The following BIN1 variants were observed in gnomAD, a reference collection of about 807,000 sequenced individuals.
BIN1 encodes the protein bridging integrator 1, also known as myc box-dependent-interacting protein 1.
Under a neutral mutation model 82.0 loss-of-function variants are expected in BIN1, and 53 were observed. That is an observed-to-expected ratio of 0.65 (90% CI 0.52 to 0.81). The LOEUF (loss-of-function observed/expected upper bound fraction) is 0.81. Ranked by LOEUF, BIN1 falls within the 40% of genes least tolerant of loss-of-function variation. The pLI, the probability that BIN1 is intolerant of heterozygous loss-of-function variation, is 0.00. For synonymous variants in BIN1, 302 were observed against 328.0 expected (o/e 0.92, Z 0.86); for missense variants, 642 against 784.4 (o/e 0.82, Z 2.17).
intron 1 of BIN1, among the ~76,000 whole-genome samples, chr2:127,083,973 G>A (rs1481810700): frequency 6.6e-6 from 1 of 152,196 alleles, no homozygotes; most frequent in Non-Finnish European, 1.5e-5. Context: ...CAGATCTCTT[G>A]GAAAGGAAGG....
rs1683784468 is a variant in BIN1 at position 127,057,118 on chromosome 2, A to G, written c.1131+355T>C. 6.6e-6 allele frequency among the ~76,000 whole-genome samples: 1 copy of G among 151,930 alleles called. No individual in the cohort carries two copies. Among genetic ancestry groups the G allele is most frequent in the Non-Finnish European group, 1.5e-5 (1 of 67,962 alleles). On this transcript the variant is annotated intron_variant, in intron 12 of 18. Coordinates refer to ENST00000316724, the MANE Select transcript of BIN1 (RefSeq NM_139343.3). The surrounding 1 kb of genome is among the most constrained non-coding windows in gnomAD (Gnocchi z 5.0). ...GCTTCAGCCATTCCAGGACCTTCCA[A>G]CTCTCCCTGGCCCTGGAAGCCTTCC...
At chr2:127,085,840 AGGT>A (rs1028091805) in intron 1 of BIN1, among the ~76,000 whole-genome samples, 1 of 152,102 alleles carries the variant, frequency 6.6e-6, no homozygotes, top group Admixed American at 6.5e-5. Flanking sequence ...GCTGGATATG[AGGT>A]GGTGGCAGGA....
In BIN1 at chr2:127,093,654, C is replaced by CA. The variant is rs1433833837; in HGVS notation, c.84+13205_84+13206insT. Among the ~76,000 whole-genome samples the CA allele has an allele frequency of 6.6e-6, 1 of 152,242 alleles. No homozygotes were observed. The highest frequency in any genetic ancestry group is 6.5e-5 in the Admixed American group (1 of 15,288). ...TGAAAACAGACAGTTCTCTCTGGTCCTTGCATCTTCATCGTTGAAGGCTCC... is the reference window on the plus strand; with the variant it reads ...TGAAAACAGACAGTTCTCTCTGGTCCATTGCATCTTCATCGTTGAAGGCTCC... On this transcript the variant is annotated intron_variant, in intron 1 of 18. Transcript: ENST00000316724. The surrounding 1 kb of genome is among the most constrained non-coding windows in gnomAD (Gnocchi z 5.7).
chr2:127,050,762 G>A, intron 17 of BIN1, 40 bp downstream of exon 17: 2 of 1,597,872 alleles, frequency 1.3e-6, no homozygotes, highest in Non-Finnish European at 1.7e-6. Context: ...TGCCCACCAG[G>A]GCACCGAGGG....
rs1210938722 is a variant in BIN1 at position 127,062,916 on chromosome 2, G to A, written c.774+655C>T. On this transcript the variant is annotated intron_variant, in intron 9 of 18. Transcript: ENST00000316724. ...TGTGAGTCAGGGGAGGCCCCAAGCT[G>A]CTTTTCCTCCTCCGACCCTGGGCCT... Among the ~76,000 whole-genome samples, 2 of 152,218 alleles carry A rather than the reference G, an allele frequency of 1.3e-5. 1 individual carries two copies. Among genetic ancestry groups the A allele is most frequent in the Middle Eastern group, 6.3e-3 (2 of 316 alleles).
rs116294169 is a variant in BIN1 at position 127,092,177 on chromosome 2, G to A, written c.84+14683C>T. On this transcript the variant is annotated intron_variant, in intron 1 of 18. Coordinates refer to ENST00000316724, the MANE Select transcript of BIN1 (RefSeq NM_139343.3). ...TGGCAGGTGGAATGAATGTTCAGGG[G>A]AGCAGAGGGGCTCCGGGCTTCCTCC... 9.1e-3 allele frequency among the ~76,000 whole-genome samples: 1,381 copies of A among 152,282 alleles called. 16 individuals carry two copies. The highest frequency in any genetic ancestry group is 0.016 in the Non-Finnish European group (1,063 of 68,006).
chr2:127,053,360 C>T, intron 14 of BIN1, 62 bp downstream of exon 14: 4 of 1,604,274 alleles, frequency 2.5e-6, no homozygotes, highest in Non-Finnish European at 2.6e-6. Flanking sequence ...GCATGTGGGC[C>T]TGGACACATA....
At chr2:127,062,477 G>A (rs1412373049) in intron 9 of BIN1, among the ~76,000 whole-genome samples, 1 of 152,234 alleles carries the variant, frequency 6.6e-6, no homozygotes, top group Non-Finnish European at 1.5e-5. Flanking sequence ...CATAGAGCTT[G>A]CACTGTTTTT....
rs750540849 is a variant in BIN1, at chr2:127,052,377, C to A, written c.1264-15G>T. 1.3e-6 allele frequency: 2 copies of A among 1,565,698 alleles called. No homozygotes were observed. The highest frequency in any genetic ancestry group is 1.7e-6 in the Non-Finnish European group (2 of 1,155,356). The stretch of plus-strand genomic sequence containing the variant: ...CTCTCTGTGGGCTGGTAACAGGCCA[C>A]GAGGAGAGAACAGGGAGGGGGCGGG... On this transcript the variant is annotated splice_polypyrimidine_tract_variant and intron_variant, in intron 14 of 18. Coordinates refer to ENST00000316724, the MANE Select transcript of BIN1 (RefSeq NM_139343.3).
chr2:127,066,366 A>C (rs553134354), intron 7 of BIN1, among the ~76,000 whole-genome samples: 1 of 152,190 alleles, frequency 6.6e-6, no homozygotes, highest in Non-Finnish European at 1.5e-5. Flanking sequence ...CTGCTCCCCC[A>C]GGGTGGGCGT....
At chr2:127,095,507 C>T (rs1158297637) in intron 1 of BIN1, among the ~76,000 whole-genome samples, 1 of 152,224 alleles carries the variant, frequency 6.6e-6, no homozygotes, top group Non-Finnish European at 1.5e-5. Context: ...CTCCCACCCC[C>T]AAACATATGC....
Position 127,067,969 on chromosome 2 carries a change from GC to G in BIN1, c.612+193del. On this transcript the variant is annotated intron_variant, in intron 7 of 18. Coordinates refer to ENST00000316724, the MANE Select transcript of BIN1 (RefSeq NM_139343.3). The surrounding 1 kb of genome is among the most constrained non-coding windows in gnomAD (Gnocchi z 4.7). ...TATGCCCCCACCCAGGTCACACAGA[GC>G]CCCTCAGCCGGTTCTTTGACCCCTA... 6.6e-6 allele frequency among the ~76,000 whole-genome samples: 1 copy of G among 152,114 alleles called. No homozygotes were observed. Among genetic ancestry groups the G allele is most frequent in the East Asian group, 1.9e-4 (1 of 5,160 alleles).
At position 127,107,099 on chromosome 2, in the gene BIN1, G is replaced by A; in HGVS notation, c.-156C>T. 4 of 786,720 alleles carry A rather than the reference G, an allele frequency of 5.1e-6. No homozygotes were observed. The highest frequency in any genetic ancestry group is 7.0e-6 in the Non-Finnish European group (4 of 568,562). The allele number at this position is 786,720 out of a possible 1,614,324, so 48.7% of individuals were successfully genotyped here. A position where few individuals can be genotyped will look rare whatever the true frequency, so the allele number is the denominator to read the frequency against. ...GAGCCAACTGACGGAGGCGGAGCGT[G>A]CGCCGGACGGGCGAGCGAGCCAGCG... On this transcript the variant is annotated 5_prime_UTR_variant, in exon 1 of 19. Coordinates refer to ENST00000316724, the MANE Select transcript of BIN1 (RefSeq NM_139343.3). The surrounding 1 kb of genome is among the most constrained non-coding windows in gnomAD (Gnocchi z 5.9).
chr2:127,061,528 G>T (rs750190675), intron 10 of BIN1, among the ~76,000 whole-genome samples: 11 of 152,154 alleles, frequency 7.2e-5, no homozygotes, highest in Admixed American at 1.3e-4. Context: ...TCCCAGGCTC[G>T]CTGCTTCCTC....
At chr2:127,053,335 G>A in intron 14 of BIN1, 87 bp downstream of exon 14, 2 of 1,568,138 alleles carry the variant, frequency 1.3e-6, no homozygotes, top group Non-Finnish European at 1.7e-6. Flanking sequence ...GCATGCACCT[G>A]TGAACAGGCT....
Position 127,057,733 on chromosome 2 carries a change from G to A in BIN1, c.1003-132C>T. On this transcript the variant is annotated intron_variant, in intron 11 of 18. Coordinates refer to ENST00000316724, the MANE Select transcript of BIN1 (RefSeq NM_139343.3). This position sits in a 1 kb window ranked among gnomAD's most constrained non-coding sequence, Gnocchi z 5.0. The stretch of plus-strand genomic sequence containing the variant: ...CAGTCCCACCCAGGCCACTGAGCAG[G>A]ACGCAGCAAATGAAGAGTCACTGCC... 1 of 1,185,374 alleles carries A rather than the reference G, an allele frequency of 8.4e-7. No homozygotes were observed. The highest frequency in any genetic ancestry group is 1.1e-6 in the Non-Finnish European group (1 of 901,778). The allele number at this position is 1,185,374 out of a possible 1,614,324, so 73.4% of individuals were successfully genotyped here. A position where few individuals can be genotyped will look rare whatever the true frequency, so the allele number is the denominator to read the frequency against.
At chr2:127,078,637 G>A (rs923507769) in intron 1 of BIN1, among the ~76,000 whole-genome samples, 2 of 152,180 alleles carry the variant, frequency 1.3e-5, no homozygotes, top group Non-Finnish European at 2.9e-5. Flanking sequence ...TGGATGCCAA[G>A]GGCTGACACA....
Position 127,107,116 on chromosome 2 carries a change from GAGCCAGCGAGCT to G in BIN1, c.-185_-174del, listed in dbSNP as rs913778133. ...CGGAGCGTGCGCCGGACGGGCGAGC[GAGCCAGCGAGCT>G]AGCCAGCGAGCGACGCGGGGACAGA... On this transcript the variant is annotated 5_prime_UTR_variant, in exon 1 of 19. Transcript: ENST00000316724. This position sits in a 1 kb window ranked among gnomAD's most constrained non-coding sequence, Gnocchi z 5.9. 165 of 636,826 alleles carry G rather than the reference GAGCCAGCGAGCT, an allele frequency of 2.6e-4. No homozygotes were observed. Among genetic ancestry groups the G allele is most frequent in the African/African-American group, 2.4e-3 (123 of 51,484 alleles). 39.4% of individuals were successfully genotyped at this position (636,826 alleles called of 1,614,324 possible).
intron 1 of BIN1, among the ~76,000 whole-genome samples, chr2:127,103,701 G>A (rs1387664747): frequency 6.6e-6 from 1 of 152,146 alleles, no homozygotes; most frequent in Non-Finnish European, 1.5e-5. Flanking sequence ...TTCTCCCCAG[G>A]CGCCCCATCC....
Sources: gnomAD v4.1 joint callset for allele counts (sites outside exome capture counted in the v4.1 genomes callset) on GRCh38, gnomAD v4.1.1 for gene constraint, Gnocchi (gnomAD v3.1) non-coding constraint, MANE v1.5 for transcripts, NCBI Gene and HGNC (gene_info 2026-07-23, HGNC 2026-07-21) for gene names.